Variants in AGBL4 observed in about 807,000 individuals in gnomAD.
The protein encoded by AGBL4 is AGBL carboxypeptidase 4.
AGBL4 carries 58 observed loss-of-function variants against 66.4 expected under a neutral mutation model. The ratio of observed to expected loss-of-function variants is 0.87; its 90% CI spans 0.71 to 1.09. AGBL4 has a LOEUF of 1.09. Ranked by LOEUF, AGBL4 falls within the 50% of genes least tolerant of loss-of-function variation. The probability of loss-of-function intolerance (pLI) is 0.00; values close to 1 mark genes in which losing one functional copy is unlikely to be tolerated. For synonymous variants in AGBL4, 234 were observed against 222.9 expected (o/e 1.05, Z -0.44); for missense variants, 579 against 631.0 (o/e 0.92, Z 0.88).
chr1:49,126,926 T>A (rs1372329181), intron 4 of AGBL4, among the ~76,000 whole-genome samples: 1 of 152,118 alleles, frequency 6.6e-6, no homozygotes, highest in African/African-American at 2.4e-5. Flanking sequence ...TGACTATAGA[T>A]TCTGTCATAA....
At position 50,021,278 on chromosome 1, in the gene AGBL4, T is replaced by A. The variant is rs114492657; in HGVS notation, c.34+2485A>T. Among the ~76,000 whole-genome samples the A allele has an allele frequency of 8.1e-3, 1,236 of 152,272 alleles. 9 individuals carry two copies. Among genetic ancestry groups the A allele is most frequent in the Middle Eastern group, 0.031 (9 of 294 alleles). Reference sequence around the variant, plus strand: ...AATATTGCAGCTACTCAACACTTCATCCCAGGCCTCTTCTCCCTCTAGGCA... The same window carrying A: ...AATATTGCAGCTACTCAACACTTCAACCCAGGCCTCTTCTCCCTCTAGGCA... On this transcript the variant is annotated intron_variant, in intron 1 of 13. Coordinates refer to ENST00000371839, the MANE Select transcript of AGBL4 (RefSeq NM_032785.4).
At chr1:49,173,573 C>G (rs961249744) in intron 4 of AGBL4, among the ~76,000 whole-genome samples, 1 of 152,192 alleles carries the variant, frequency 6.6e-6, no homozygotes, top group Non-Finnish European at 1.5e-5. Flanking sequence ...AATCTCTACT[C>G]TTGGAGTTCA....
chr1:49,495,630 CAA>C (rs1306521084), intron 3 of AGBL4, among the ~76,000 whole-genome samples: 1 of 151,236 alleles, frequency 6.6e-6, no homozygotes, highest in African/African-American at 2.4e-5. Flanking sequence ...ATAACAATAA[CAA>C]TAGTAAAAAT....
intron 1 of AGBL4, among the ~76,000 whole-genome samples, chr1:49,904,077 G>GCTA (rs1273670037): frequency 6.6e-6 from 1 of 152,118 alleles, no homozygotes; most frequent in Non-Finnish European, 1.5e-5. Flanking sequence ...ACATCATACA[G>GCTA]CTACTAAATT....
At chr1:49,740,576 C>G (rs989355204) in intron 2 of AGBL4, among the ~76,000 whole-genome samples, 4 of 152,196 alleles carry the variant, frequency 2.6e-5, no homozygotes, top group Admixed American at 6.5e-5. Context: ...GAACTCTCCA[C>G]CCCAAATCAA....
chr1:49,763,921 C>T (rs1354419580), intron 2 of AGBL4, among the ~76,000 whole-genome samples: 1 of 152,134 alleles, frequency 6.6e-6, no homozygotes, highest in East Asian at 1.9e-4. Context: ...CCACATGAGA[C>T]CCCCATGCCC....
intron 3 of AGBL4, among the ~76,000 whole-genome samples, chr1:49,383,675 T>A (rs551917350): frequency 6.6e-6 from 1 of 152,198 alleles, no homozygotes; most frequent in African/African-American, 2.4e-5. Flanking sequence ...AAATGTAAGA[T>A]CTGAAACTAT....
intron 2 of AGBL4, chr1:49,844,627 C>T (rs1330580303): frequency 2.3e-5 from 34 of 1,476,776 alleles, no homozygotes; most frequent in Non-Finnish European, 2.9e-5. Context: ...CTTCCCATCT[C>T]ACCACAAACT....
At chr1:49,658,023 A>C (rs1266066978) in intron 3 of AGBL4, among the ~76,000 whole-genome samples, 3 of 152,214 alleles carry the variant, frequency 2.0e-5, no homozygotes, top group Non-Finnish European at 4.4e-5. Flanking sequence ...TAATTAAACT[A>C]AAGAGCTTCT....
intron 2 of AGBL4, among the ~76,000 whole-genome samples, chr1:49,760,756 G>T (rs924843229): frequency 6.6e-6 from 1 of 152,068 alleles, no homozygotes; most frequent in African/African-American, 2.4e-5. Flanking sequence ...CAATAGAAAA[G>T]ACATAGAACC....
chr1:49,735,333 G>A (rs920111080), intron 2 of AGBL4, among the ~76,000 whole-genome samples: 20 of 142,680 alleles, frequency 1.4e-4, no homozygotes, highest in Non-Finnish European at 2.5e-4. Flanking sequence ...GTGTGTGTGT[G>A]TAGAGAGAGA....
rs552986185 is a variant in AGBL4, at chr1:49,731,184, CCTT to C, written c.158-33750_158-33748del. On this transcript the variant is annotated intron_variant, in intron 2 of 13. Coordinates refer to ENST00000371839, the MANE Select transcript of AGBL4 (RefSeq NM_032785.4). Reference sequence around the variant, plus strand: ...GAAGACCAAAGCTCCTATCAGGTGTCCTTCTTTACATTTAGTCTTCCCCATGAC... The same window carrying C: ...GAAGACCAAAGCTCCTATCAGGTGTCCTTTACATTTAGTCTTCCCCATGAC... 3.9e-3 allele frequency among the ~76,000 whole-genome samples: 591 copies of C among 152,276 alleles called. 2 individuals carry two copies. Among genetic ancestry groups the C allele is most frequent in the Middle Eastern group, 0.014 (4 of 294 alleles).
At chr1:50,009,157 C>G (rs919160140) in intron 1 of AGBL4, among the ~76,000 whole-genome samples, 3 of 152,096 alleles carry the variant, frequency 2.0e-5, no homozygotes, top group Non-Finnish European at 4.4e-5. Context: ...CAGTATTACC[C>G]TGATACCTAA....
chr1:48,942,276 C>A (rs1005095645), intron 5 of AGBL4, among the ~76,000 whole-genome samples: 1 of 150,444 alleles, frequency 6.6e-6, no homozygotes, highest in African/African-American at 2.4e-5. Context: ...TTCCTCCAAT[C>A]GTCTACTTAG....
chr1:49,390,273 T>C (rs1023615973), intron 3 of AGBL4, among the ~76,000 whole-genome samples: 2 of 152,180 alleles, frequency 1.3e-5, no homozygotes, highest in Non-Finnish European at 2.9e-5. Flanking sequence ...AACTTGAAAA[T>C]CTTTAAAAAT....
intron 5 of AGBL4, among the ~76,000 whole-genome samples, chr1:48,918,917 G>A (rs1380795198): frequency 1.3e-5 from 2 of 152,134 alleles, no homozygotes; most frequent in African/African-American, 4.8e-5. Flanking sequence ...TCTGGGTCAG[G>A]TATCTCCCCA....
At chr1:49,744,644 A>C (rs1258189655) in intron 2 of AGBL4, among the ~76,000 whole-genome samples, 1 of 152,114 alleles carries the variant, frequency 6.6e-6, no homozygotes, top group Non-Finnish European at 1.5e-5. Flanking sequence ...GAATGATATA[A>C]TATGAAAAAA....
downstream of AGBL4, among the ~76,000 whole-genome samples, chr1:48,529,513 G>T (rs1643895417): frequency 6.6e-6 from 1 of 152,132 alleles, no homozygotes; most frequent in Non-Finnish European, 1.5e-5. Context: ...TAACAGAAGA[G>T]CTGGGATTCA....
At chr1:49,044,340 A>C (rs1330430563) in intron 5 of AGBL4, among the ~76,000 whole-genome samples, 1 of 152,078 alleles carries the variant, frequency 6.6e-6, no homozygotes, top group Non-Finnish European at 1.5e-5. Flanking sequence ...TAATAAAAAT[A>C]CAAAAATTAG....
Sources: allele counts gnomAD v4.1 joint callset (sites outside exome capture counted in the v4.1 genomes callset), GRCh38; gene constraint gnomAD v4.1.1; transcripts MANE v1.5; gene names NCBI Gene and HGNC (gene_info 2026-07-23, HGNC 2026-07-21).